The following SLC44A5 variants were observed in gnomAD, a reference collection of about 807,000 sequenced individuals.
The protein encoded by SLC44A5 is choline transporter-like protein 5.
In SLC44A5, 57 loss-of-function variants were observed where a neutral mutation model predicts 101.8. The observed-to-expected ratio is 0.56, with a 90% CI of 0.45 to 0.70. The LOEUF (loss-of-function observed/expected upper bound fraction) is 0.70. Ranked by LOEUF, SLC44A5 falls within the 30% of genes least tolerant of loss-of-function variation. The pLI is 0.00. For synonymous variants in SLC44A5, 281 were observed against 290.9 expected, an observed-to-expected ratio of 0.97 and a Z score of 0.35; for missense variants, 737 against 853.1, an observed-to-expected ratio of 0.86 and a Z score of 1.70.
At chr1:75,446,555 T>C (rs1425976543) in intron 2 of SLC44A5, among the ~76,000 whole-genome samples, 1 of 152,150 alleles carries the variant, frequency 6.6e-6, no homozygotes, top group African/African-American at 2.4e-5. Context: ...TATTTTGTTT[T>C]AGATATTTTG....
At chr1:75,350,631 A>C (rs546346558) in intron 3 of SLC44A5, among the ~76,000 whole-genome samples, 1 of 151,898 alleles carries the variant, frequency 6.6e-6, no homozygotes, top group South Asian at 2.1e-4. Context: ...CTGGTGGCTC[A>C]CGCCTGTAAT....
At position 75,203,705 on chromosome 1, in the gene SLC44A5, G is replaced by A. The variant is rs1336050816; in HGVS notation, c.*22C>T. The stretch of plus-strand genomic sequence containing the variant: ...GATGGAGAAAAGGTAACACACAGCT[G>A]TAGGACGACCAGTTTGCTCTTCTAC... On this transcript the variant is annotated 3_prime_UTR_variant, in exon 24 of 24. Coordinates refer to ENST00000370859, the MANE Select transcript of SLC44A5 (RefSeq NM_001130058.2). 6.5e-7 allele frequency: 1 copy of A among 1,545,476 alleles called. No individual in the cohort carries two copies. The highest frequency in any genetic ancestry group is 1.4e-5 in the African/African-American group (1 of 72,772).
At chr1:75,373,028 C>A (rs1212719040) in intron 3 of SLC44A5, among the ~76,000 whole-genome samples, 1 of 152,038 alleles carries the variant, frequency 6.6e-6, no homozygotes, top group East Asian at 1.9e-4. Context: ...CATTGATGAT[C>A]GTATAAATCT....
intron 2 of SLC44A5, among the ~76,000 whole-genome samples, chr1:75,423,722 C>A (rs1664146851): frequency 6.6e-6 from 1 of 152,212 alleles, no homozygotes; most frequent in South Asian, 2.1e-4. Flanking sequence ...TACTAGCTGT[C>A]AAAGTAAATT....
chr1:75,682,923 A>G, the SLC44A5 span, among the ~76,000 whole-genome samples: 1 of 152,042 alleles, frequency 6.6e-6, no homozygotes, highest in Non-Finnish European at 1.5e-5. Context: ...AAAACAAACA[A>G]CCCCATCAAA....
intron 4 of SLC44A5, among the ~76,000 whole-genome samples, chr1:75,323,988 T>G (rs1656384568): frequency 6.6e-6 from 1 of 152,176 alleles, no homozygotes; most frequent in Admixed American, 6.5e-5. Context: ...CTGTGCACAA[T>G]GAATAGTTAA....
At chr1:75,642,823 G>C in the SLC44A5 span, among the ~76,000 whole-genome samples, 1 of 152,090 alleles carries the variant, frequency 6.6e-6, no homozygotes, top group Non-Finnish European at 1.5e-5. Context: ...AGAATTCTAA[G>C]AGAACAGTAC....
At chr1:75,261,212 C>CA (rs1557590920) in intron 6 of SLC44A5, among the ~76,000 whole-genome samples, 1 of 151,882 alleles carries the variant, frequency 6.6e-6, no homozygotes, top group East Asian at 1.9e-4. Flanking sequence ...AAAAACTCTT[C>CA]AAAAAATCAA....
the SLC44A5 span, among the ~76,000 whole-genome samples, chr1:75,701,230 T>C: frequency 1.3e-5 from 2 of 152,180 alleles, no homozygotes; most frequent in African/African-American, 4.8e-5. Flanking sequence ...GCAATATCCC[T>C]GATGAACATC....
chr1:75,699,721 T>C, the SLC44A5 span, among the ~76,000 whole-genome samples: 1 of 151,768 alleles, frequency 6.6e-6, no homozygotes, highest in Non-Finnish European at 1.5e-5. Flanking sequence ...GCAAATTGGA[T>C]AGAGTCAAGA....
chr1:75,220,903 T>C (rs904610798), intron 14 of SLC44A5, among the ~76,000 whole-genome samples: 1 of 152,216 alleles, frequency 6.6e-6, no homozygotes, highest in Admixed American at 6.5e-5. Context: ...AGGTTTACCC[T>C]GTATTCTCAC....
intron 2 of SLC44A5, among the ~76,000 whole-genome samples, chr1:75,491,250 T>A (rs1464898344): frequency 6.6e-6 from 1 of 152,136 alleles, no homozygotes; most frequent in African/African-American, 2.4e-5. Flanking sequence ...TTATTGTGAC[T>A]GGTTGTGATA....
intron 4 of SLC44A5, among the ~76,000 whole-genome samples, chr1:75,333,830 A>G (rs558567679): frequency 1.3e-5 from 2 of 152,216 alleles, no homozygotes; most frequent in Non-Finnish European, 2.9e-5. Context: ...ATACTTGAAG[A>G]CATTCCAAGA....
At chr1:75,498,672 A>T (rs998614465) in intron 2 of SLC44A5, among the ~76,000 whole-genome samples, 9 of 152,204 alleles carry the variant, frequency 5.9e-5, no homozygotes, top group Non-Finnish European at 1.2e-4. Flanking sequence ...TACTTAGTGA[A>T]AGAAAAGTAC....
At chr1:75,421,873 G>GAA (rs796931282) in intron 2 of SLC44A5, among the ~76,000 whole-genome samples, 3 of 139,288 alleles carry the variant, frequency 2.2e-5, no homozygotes, top group African/African-American at 5.2e-5. Flanking sequence ...TTACTTTTTT[G>GAA]AAAAAAAAAA....
chr1:75,709,746 GT>G, the SLC44A5 span, among the ~76,000 whole-genome samples: 211 of 151,772 alleles, frequency 1.4e-3, no homozygotes, highest in African/African-American at 4.8e-3. Context: ...CCTATTTTTA[GT>G]TTTTTTTCTC....
chr1:75,546,666 A>C (rs1248965939), intron 1 of SLC44A5, among the ~76,000 whole-genome samples: 1 of 152,178 alleles, frequency 6.6e-6, no homozygotes, highest in African/African-American at 2.4e-5. Context: ...AAAACTTTGA[A>C]ACTTCTAAGT....
intron 2 of SLC44A5, among the ~76,000 whole-genome samples, chr1:75,451,862 C>A (rs562316221): frequency 6.6e-6 from 1 of 151,950 alleles, no homozygotes; most frequent in Non-Finnish European, 1.5e-5. Flanking sequence ...TTATTTAAAG[C>A]AACCAAACCT....
intron 2 of SLC44A5, among the ~76,000 whole-genome samples, chr1:75,481,224 C>G (rs1200115626): frequency 6.6e-6 from 1 of 152,148 alleles, no homozygotes; most frequent in African/African-American, 2.4e-5. Flanking sequence ...AAACTGGATC[C>G]CTTCCTTATG....
Sources: allele counts gnomAD v4.1 joint callset (sites outside exome capture counted in the v4.1 genomes callset), GRCh38; gene constraint gnomAD v4.1.1; transcripts MANE v1.5; gene names NCBI Gene and HGNC (gene_info 2026-07-23, HGNC 2026-07-21).